Variants in MMP27 observed in about 807,000 individuals in gnomAD.
MMP27 encodes matrix metalloproteinase-27.
A neutral mutation model predicts 48.1 loss-of-function variants in MMP27; 51 were observed. That is an observed-to-expected ratio of 1.06 (90% confidence interval 0.85 to 1.34). The LOEUF is 1.34. MMP27 is among the 40% of genes most tolerant of loss of function. The probability of loss-of-function intolerance (pLI) is 0.00; values close to 1 mark genes in which losing one functional copy is unlikely to be tolerated. For synonymous variants in MMP27, 229 were observed against 208.9 expected, an observed-to-expected ratio of 1.10 and a Z score of -0.83; for missense variants, 698 against 619.3, an observed-to-expected ratio of 1.13 and a Z score of -1.35.
rs772956475 is a variant in MMP27 at position 102,702,900 on chromosome 11, G to A, written c.491-19C>T. 10 of 1,611,250 alleles carry A rather than the reference G, an allele frequency of 6.2e-6. No individual in the cohort carries two copies. In the East Asian group the frequency reaches 6.7e-5, roughly 11 times the overall value. On this transcript the variant is annotated intron_variant, in intron 3 of 9. Coordinates refer to ENST00000260229, the MANE Select transcript of MMP27 (RefSeq NM_022122.3). ...CCATGGACTGAGATACAATTTATGCGAGGAAAAAAGATCAGCTTCCTCAAA... is the reference window on the plus strand; with the variant it reads ...CCATGGACTGAGATACAATTTATGCAAGGAAAAAAGATCAGCTTCCTCAAA...
chr11:102,701,931 A>G (rs1234590298), intron 4 of MMP27, among the ~76,000 whole-genome samples: 1 of 152,222 alleles, frequency 6.6e-6, no homozygotes, highest in African/African-American at 2.4e-5. Flanking sequence ...CAGGACCACT[A>G]CAACCTGTGC....
chr11:102,692,229 C>T (rs1189398483), intron 9 of MMP27, among the ~76,000 whole-genome samples: 2 of 152,148 alleles, frequency 1.3e-5, no homozygotes, highest in East Asian at 1.9e-4. Flanking sequence ...TTTCAAGGGA[C>T]TTTTTACCTT....
intron 1 of MMP27, among the ~76,000 whole-genome samples, chr11:102,705,049 A>G (rs1861021473): frequency 6.6e-6 from 1 of 152,226 alleles, no homozygotes; most frequent in Admixed American, 6.5e-5. Flanking sequence ...TTAAACCTCC[A>G]CAGAAGAGAA....
intron 4 of MMP27, among the ~76,000 whole-genome samples, chr11:102,702,547 A>G (rs1052658733): frequency 6.6e-6 from 1 of 152,260 alleles, no homozygotes; most frequent in Non-Finnish European, 1.5e-5. Flanking sequence ...GAATGAATGT[A>G]TAAATAATGA....
intron 1 of MMP27, among the ~76,000 whole-genome samples, chr11:102,705,142 G>C (rs1452444442): frequency 6.6e-6 from 1 of 152,168 alleles, no homozygotes; most frequent in Non-Finnish European, 1.5e-5. Flanking sequence ...TTTGAAACAA[G>C]TTCTAGGATA....
intron 6 of MMP27, among the ~76,000 whole-genome samples, chr11:102,695,562 T>G (rs1860809036): frequency 6.6e-6 from 1 of 152,144 alleles, no homozygotes; most frequent in South Asian, 2.1e-4. Flanking sequence ...GTCCTTATAT[T>G]CCATTTCCCT....
chr11:102,695,274 T>A (rs2134263840), intron 6 of MMP27, among the ~76,000 whole-genome samples, 177 bp from the exon 7 acceptor site: 1 of 152,312 alleles, frequency 6.6e-6, no homozygotes, highest in Non-Finnish European at 1.5e-5. Flanking sequence ...AGTTTGGGAC[T>A]TCCAAGTCCA....
Position 102,705,600 on chromosome 11 carries a change from A to T in MMP27, c.102+13T>A. ...TTATCAATAGTCATCGATATCATTT[A>T]TTAAGACAGTACCTGAGCCAGTTGC... On this transcript the variant is annotated intron_variant, in intron 1 of 9. Coordinates refer to ENST00000260229, the MANE Select transcript of MMP27 (RefSeq NM_022122.3). 6.9e-7 allele frequency: 1 copy of T among 1,457,826 alleles called. No individual in the cohort carries two copies. Among genetic ancestry groups the T allele is most frequent in the Non-Finnish European group, 9.4e-7 (1 of 1,068,316 alleles). The allele number at this position is 1,457,826 out of a possible 1,614,324, so 90.3% of individuals were successfully genotyped here.
chr11:102,704,131 C>T (rs912165123), intron 2 of MMP27, among the ~76,000 whole-genome samples: 4 of 152,162 alleles, frequency 2.6e-5, no homozygotes, highest in Admixed American at 6.5e-5. Flanking sequence ...CTCTCTCACA[C>T]ACACATGTCT....
At chr11:102,697,677 T>C (rs1372414358) in intron 4 of MMP27, among the ~76,000 whole-genome samples, 1 of 152,020 alleles carries the variant, frequency 6.6e-6, no homozygotes, top group Non-Finnish European at 1.5e-5. Context: ...AATTTTCTTA[T>C]TTATTTTTGT....
At chr11:102,697,476 A>C (rs1272344219) in intron 4 of MMP27, among the ~76,000 whole-genome samples, 1 of 152,092 alleles carries the variant, frequency 6.6e-6, no homozygotes, top group Non-Finnish European at 1.5e-5. Flanking sequence ...TTCAATAATA[A>C]ATTAACTTTT....
chr11:102,693,931 A>G lies in MMP27; in HGVS notation c.1168T>C (p.Phe390Leu), dbSNP rs778374399. Reference sequence around the variant, plus strand: ...CTCCAGCACCAAATGCCCACAAAGAAGTAGGTTTTTCTTGTGGTCTTATCA... The same window carrying G: ...CTCCAGCACCAAATGCCCACAAAGAGGTAGGTTTTTCTTGTGGTCTTATCA... The part of the protein sequence containing the change: ...VCDKTTRKTY[F>L]FVGIWCWRFD... Residue 390 changes from phenylalanine to leucine, a missense_variant, in exon 8 of 10, where the codon TTC (phenylalanine) becomes CTC (leucine). Coordinates refer to ENST00000260229, the MANE Select transcript of MMP27 (RefSeq NM_022122.3). 3 of 1,604,608 alleles carry G rather than the reference A, an allele frequency of 1.9e-6. No individual in the cohort carries two copies. Among genetic ancestry groups the G allele is most frequent in the South Asian group, 1.1e-5 (1 of 88,696 alleles).
intron 1 of MMP27, 132 bp downstream of exon 1, chr11:102,705,481 T>C (rs1861029676): frequency 3.5e-6 from 2 of 571,872 alleles, no homozygotes; most frequent in East Asian, 3.3e-5. Flanking sequence ...GATAGACAAA[T>C]GAAAAGCAGT....
chr11:102,696,222 T>C (rs1860823504), intron 6 of MMP27, 149 bp downstream of exon 6: 2 of 688,308 alleles, frequency 2.9e-6, no homozygotes, highest in East Asian at 2.8e-5. Flanking sequence ...GACACACATA[T>C]GGTAAAGCAT....
chr11:102,698,030 G>A (rs1218114611), intron 4 of MMP27, among the ~76,000 whole-genome samples: 1 of 152,074 alleles, frequency 6.6e-6, no homozygotes, highest in Non-Finnish European at 1.5e-5. Flanking sequence ...CCTCCTGAAG[G>A]GCCTGCCTGA....
chr11:102,698,530 T>C (rs1266993923), intron 4 of MMP27, among the ~76,000 whole-genome samples: 3 of 152,098 alleles, frequency 2.0e-5, no homozygotes, highest in Non-Finnish European at 4.4e-5. Context: ...GTATATGTGA[T>C]CATGTTGCTC....
chr11:102,696,351 G>T lies in MMP27; in HGVS notation c.902+20C>A, dbSNP rs567511675. ...AAAAATCTTCATAGGAAGTTGAGGT[G>T]TTTAGAGAAATGAGTTTACCTGCCT... On this transcript the variant is annotated intron_variant, in intron 6 of 9. Coordinates refer to ENST00000260229, the MANE Select transcript of MMP27 (RefSeq NM_022122.3). 131 of 1,612,790 alleles carry T rather than the reference G, an allele frequency of 8.1e-5. No individual in the cohort carries two copies. In the South Asian group the frequency reaches 1.3e-3, roughly 16 times the overall value.
In MMP27 at chr11:102,696,410, A is replaced by G. The variant is rs1860827384; in HGVS notation, c.863T>C (p.Ile288Thr). The G allele has an allele frequency of 1.2e-6, 2 of 1,613,758 alleles. No individual in the cohort carries two copies. The highest frequency in any genetic ancestry group is 2.2e-5 in the South Asian group (2 of 91,076). The change falls in exon 6 of 10, where the codon ATC becomes ACC. Residue 288 changes from isoleucine (I) to threonine (T), a missense_variant. Physicochemically the swap from Ile to Thr is moderately conservative, Grantham distance 89. Transcript: ENST00000260229. ...CATTACTTCTCTGCGGAAAGTTGTGATAGCGTCAAAAGTCAAGTCAGGGTC... is the reference window on the plus strand; with the variant it reads ...CATTACTTCTCTGCGGAAAGTTGTGGTAGCGTCAAAAGTCAAGTCAGGGTC... ...ACDPDLTFDA[I>T]TTFRREVMFF...
At chr11:102,698,438 A>G (rs1860874980) in intron 4 of MMP27, among the ~76,000 whole-genome samples, 3 of 151,752 alleles carry the variant, frequency 2.0e-5, no homozygotes, top group Admixed American at 6.6e-5. Context: ...GGGTAAGAAA[A>G]TGGCTTGAAA....
Sources: allele counts gnomAD v4.1 joint callset (sites outside exome capture counted in the v4.1 genomes callset), GRCh38; gene constraint gnomAD v4.1.1; transcripts MANE v1.5; gene names NCBI Gene and HGNC (gene_info 2026-07-23, HGNC 2026-07-21).